STK32C: variants seen among roughly 807,000 people sequenced by gnomAD.
STK32C encodes serine/threonine-protein kinase 32C.
A neutral mutation model predicts 56.5 loss-of-function variants in STK32C; 31 were observed. The ratio of observed to expected loss-of-function variants is 0.55; its 90% CI spans 0.41 to 0.74. The LOEUF is 0.74. STK32C is among the 30% of genes least tolerant of loss of function. The probability of loss-of-function intolerance (pLI) is 0.00; values close to 1 mark genes in which losing one functional copy is unlikely to be tolerated. For synonymous variants in STK32C, 309 were observed against 289.4 expected, an observed-to-expected ratio of 1.07 and a Z score of -0.69; for missense variants, 544 against 676.9, an observed-to-expected ratio of 0.80 and a Z score of 2.18.
intron 10 of STK32C, among the ~76,000 whole-genome samples, chr10:132,222,054 A>G (rs1267755688): frequency 6.7e-6 from 1 of 148,232 alleles, no homozygotes; most frequent in East Asian, 2.1e-4. Flanking sequence ...CCATCCCTGC[A>G]CACACAACAT....
At chr10:132,261,155 G>C (rs1440329779) in intron 1 of STK32C, among the ~76,000 whole-genome samples, 1 of 152,242 alleles carries the variant, frequency 6.6e-6, no homozygotes. Context: ...GGAGGACTCG[G>C]GGACTACGAG....
At chr10:132,294,060 G>A (rs911132068) in intron 1 of STK32C, among the ~76,000 whole-genome samples, 8 of 152,328 alleles carry the variant, frequency 5.3e-5, no homozygotes, top group Admixed American at 2.0e-4. Context: ...TGGCAATGTC[G>A]AGTCGGAGGG....
intron 1 of STK32C, among the ~76,000 whole-genome samples, chr10:132,261,582 C>T (rs1331072832): frequency 2.6e-5 from 4 of 152,036 alleles, no homozygotes; most frequent in East Asian, 3.9e-4. Flanking sequence ...CTGGACAACA[C>T]GGTAAAACCC....
chr10:132,222,650 G>C lies in STK32C; in HGVS notation c.1242C>G (p.Ser414Arg). 1 of 1,612,622 alleles carries C rather than the reference G, an allele frequency of 6.2e-7. No homozygotes were observed. Among genetic ancestry groups the C allele is most frequent in the Non-Finnish European group, 8.5e-7 (1 of 1,179,932 alleles). The change falls in exon 10 of 12, where the codon AGC (serine) becomes AGG (arginine). Residue 414 changes from serine (S) to arginine (R), a missense_variant. This residue lies in a region of STK32C where 277 missense variants were observed against 309.3 expected (regional missense o/e 0.90). Transcript: ENST00000298630. ...CTGCCCTGGCACTCACGGACTGGGA[G>C]CTGTCCCTGCTGTTGTCCCGGGACT... Reference protein sequence around the residue: ...KNKSRDNSRDSSQSENDYLQD... With the variant: ...KNKSRDNSRDRSQSENDYLQD...
Position 132,210,089 on chromosome 10 carries a change from A to AC in STK32C, c.1252-989dup, listed in dbSNP as rs554064792. Among the ~76,000 whole-genome samples the AC allele has an allele frequency of 1.4e-3, 218 of 151,820 alleles. 6 individuals are homozygous for AC. In the South Asian group the frequency reaches 0.035, roughly 25 times the overall value. ...CCCAGTGTTACCATCTTACGGGACC[A>AC]CCCCCCCATGCGATTGGCCAGTGAC... On this transcript the variant is annotated intron_variant, in intron 10 of 11. Coordinates refer to ENST00000298630, the MANE Select transcript of STK32C (RefSeq NM_173575.4).
At chr10:132,295,165 G>A (rs1371225706) in intron 1 of STK32C, among the ~76,000 whole-genome samples, 2 of 152,124 alleles carry the variant, frequency 1.3e-5, no homozygotes, top group African/African-American at 4.8e-5. Flanking sequence ...AGAGTCTTAA[G>A]CCGGCAGTGA....
At chr10:132,266,070 T>C (rs957785020) in intron 1 of STK32C, among the ~76,000 whole-genome samples, 1 of 152,164 alleles carries the variant, frequency 6.6e-6, no homozygotes, top group Non-Finnish European at 1.5e-5. Flanking sequence ...ATACTGGAAA[T>C]AACCCAAACG....
At chr10:132,229,217 G>A (rs11146260) in intron 2 of STK32C, among the ~76,000 whole-genome samples, 28,539 of 152,196 alleles carry the variant, frequency 0.19, 2,833 homozygotes, top group Middle Eastern at 0.25. Flanking sequence ...ATCCAGACCC[G>A]TTTCCAAGGC....
chr10:132,252,139 A>T (rs1041152217), intron 1 of STK32C, among the ~76,000 whole-genome samples: 1 of 152,258 alleles, frequency 6.6e-6, no homozygotes, highest in Non-Finnish European at 1.5e-5. Flanking sequence ...CCCGCTAGGG[A>T]CATGGCGGCC....
At chr10:132,241,486 C>T (rs1016111144) in intron 2 of STK32C, among the ~76,000 whole-genome samples, 3 of 152,180 alleles carry the variant, frequency 2.0e-5, no homozygotes, top group Non-Finnish European at 2.9e-5. Context: ...AAAAAGCAGA[C>T]GCCTATTTGG....
downstream of STK32C, among the ~76,000 whole-genome samples, chr10:132,321,799 G>C (rs543486479): frequency 6.6e-6 from 1 of 152,310 alleles, no homozygotes; most frequent in African/African-American, 2.4e-5. Flanking sequence ...ATGCTTCCTT[G>C]TCTGGCTTCA....
At chr10:132,242,169 G>C (rs2063524513) in intron 2 of STK32C, among the ~76,000 whole-genome samples, 1 of 151,820 alleles carries the variant, frequency 6.6e-6, no homozygotes, top group African/African-American at 2.4e-5. Context: ...TTCTTGCCCT[G>C]ATCGTGAATG....
chr10:132,254,287 C>T (rs537982387), intron 1 of STK32C, among the ~76,000 whole-genome samples: 2 of 151,720 alleles, frequency 1.3e-5, no homozygotes, highest in East Asian at 3.9e-4. Context: ...CCAGCCTGGG[C>T]AAAAAGGGCG....
At chr10:132,263,133 G>A (rs932980467) in intron 1 of STK32C, among the ~76,000 whole-genome samples, 2 of 152,156 alleles carry the variant, frequency 1.3e-5, no homozygotes, top group African/African-American at 2.4e-5. Flanking sequence ...AAAAAGACAC[G>A]CGCATTCGTG....
intron 1 of STK32C, among the ~76,000 whole-genome samples, chr10:132,283,882 G>A (rs1036311844): frequency 6.6e-6 from 1 of 152,162 alleles, no homozygotes; most frequent in African/African-American, 2.4e-5. Context: ...GCCTCCCTGA[G>A]TCCAGCCCCG....
At chr10:132,310,241 CTCAG>C (rs1322552054), upstream of STK32C, among the ~76,000 whole-genome samples, 2 of 152,212 alleles carry the variant, frequency 1.3e-5, no homozygotes, top group Non-Finnish European at 2.9e-5. This position sits in a 1 kb window ranked among gnomAD's most constrained non-coding sequence, Gnocchi z 4.6. Flanking sequence ...GCACCTGCCT[CTCAG>C]TCAGGAAACA....
At chr10:132,248,774 G>C (rs74910512) in intron 1 of STK32C, among the ~76,000 whole-genome samples, 6,474 of 152,262 alleles carry the variant, frequency 0.043, 235 homozygotes, top group African/African-American at 0.097. Context: ...GCATCTTCCT[G>C]TCCATGGGCA....
At chr10:132,318,507 T>C (rs2066348708) in intron 1 of STK32C, among the ~76,000 whole-genome samples, 1 of 150,150 alleles carries the variant, frequency 6.7e-6, no homozygotes, top group Admixed American at 6.7e-5. Context: ...CCCAGCTACT[T>C]AGGAGGCTGA....
At chr10:132,291,100 G>A (rs2065550066) in intron 1 of STK32C, among the ~76,000 whole-genome samples, 1 of 152,244 alleles carries the variant, frequency 6.6e-6, no homozygotes. Flanking sequence ...CACAGCCACT[G>A]CACATAGAAG....
Sources: gnomAD v4.1 joint callset for allele counts (sites outside exome capture counted in the v4.1 genomes callset) on GRCh38, gnomAD v4.1.1 for gene constraint, gnomAD v4.1.1 regional missense constraint, Gnocchi (gnomAD v3.1) non-coding constraint, MANE v1.5 for transcripts, NCBI Gene and HGNC (gene_info 2026-07-23, HGNC 2026-07-21) for gene names.